Variants in UGT3A2 observed in about 807,000 individuals in gnomAD.
UGT3A2 encodes UDP glycosyltransferase family 3 member A2, also known as UDP-glycosyltransferase 3A2.
In UGT3A2, 32 loss-of-function variants were observed where a neutral mutation model predicts 39.8. The ratio of observed to expected loss-of-function variants is 0.80; its 90% confidence interval spans 0.61 to 1.08. UGT3A2 has a LOEUF of 1.08. UGT3A2 is among the 50% of genes least tolerant of loss of function. UGT3A2 has a pLI of 0.00. For synonymous variants in UGT3A2, 241 were observed against 230.7 expected (o/e 1.04, Z -0.40); for missense variants, 611 against 637.1 (o/e 0.96, Z 0.44).
At chr5:36,040,006 T>A (rs1178658100) in intron 4 of UGT3A2, among the ~76,000 whole-genome samples, 2 of 152,110 alleles carry the variant, frequency 1.3e-5, no homozygotes, top group African/African-American at 4.8e-5. Context: ...GAGGTAATAG[T>A]ATCTGGAAGA....
intron 6 of UGT3A2, among the ~76,000 whole-genome samples, 164 bp from the exon 7 acceptor site, chr5:36,036,138 A>G (rs1741821141): frequency 6.6e-6 from 1 of 152,232 alleles, no homozygotes; most frequent in Non-Finnish European, 1.5e-5. Flanking sequence ...GACACCTACA[A>G]GCAAAGATCC....
At chr5:36,043,718 C>T (rs981276692) in intron 4 of UGT3A2, among the ~76,000 whole-genome samples, 2 of 101,158 alleles carry the variant, frequency 2.0e-5, no homozygotes, top group African/African-American at 5.4e-5. Flanking sequence ...TTAGAAACAT[C>T]TGTGAGCAAC....
At chr5:36,052,684 C>T (rs1411905139) in intron 2 of UGT3A2, among the ~76,000 whole-genome samples, 3 of 152,122 alleles carry the variant, frequency 2.0e-5, no homozygotes, top group African/African-American at 4.8e-5. Context: ...TCATCCCTCC[C>T]TGCTCTCTAA....
At chr5:36,041,626 C>T (rs1482456223) in intron 4 of UGT3A2, among the ~76,000 whole-genome samples, 2 of 152,150 alleles carry the variant, frequency 1.3e-5, no homozygotes, top group African/African-American at 4.8e-5. Context: ...CTGGCTCTTA[C>T]CTAAGACCAC....
At chr5:36,052,672 A>T (rs745691115) in intron 2 of UGT3A2, among the ~76,000 whole-genome samples, 10 of 152,204 alleles carry the variant, frequency 6.6e-5, no homozygotes, top group Non-Finnish European at 1.3e-4. Context: ...AACTCAAGCC[A>T]GTCATCCCTC....
chr5:36,049,300 A>G lies in UGT3A2; in HGVS notation c.432T>C (p.Val144=). Residue 144 remains valine, a synonymous_variant, in exon 4 of 7, where the codon GTT becomes GTC. Coordinates refer to ENST00000282507, the MANE Select transcript of UGT3A2 (RefSeq NM_174914.4). ...LKNENFDMVI[V]ETFDYCPFLI... is the part of the protein sequence containing the mutation. The stretch of plus-strand genomic sequence containing the variant: ...GGAAAGGACAGTAGTCAAAAGTTTC[A>G]ACTATCACCATGTCGAAGTTCTCAT... 6.2e-7 allele frequency: 1 copy of G among 1,614,186 alleles called. No individual in the cohort carries two copies. The highest frequency in any genetic ancestry group is 8.5e-7 in the Non-Finnish European group (1 of 1,180,038).
chr5:36,036,536 C>T (rs781640390), intron 6 of UGT3A2, among the ~76,000 whole-genome samples: 4 of 152,228 alleles, frequency 2.6e-5, no homozygotes, highest in Non-Finnish European at 5.9e-5. Flanking sequence ...AATTGTGAAG[C>T]TGGCCCTATT....
chr5:36,043,015 C>T (rs76437245), intron 4 of UGT3A2, among the ~76,000 whole-genome samples: 2,118 of 152,126 alleles, frequency 0.014, 33 homozygotes, highest in African/African-American at 0.049. Flanking sequence ...ACTTAATCTG[C>T]ACTACAGATT....
At chr5:36,057,005 G>A (rs531221753) in intron 2 of UGT3A2, among the ~76,000 whole-genome samples, 5 of 152,296 alleles carry the variant, frequency 3.3e-5, no homozygotes, top group African/African-American at 1.2e-4. Context: ...CTCACAGTCT[G>A]TTCAAAGCAA....
chr5:36,043,497 A>C (rs1457451118), intron 4 of UGT3A2, among the ~76,000 whole-genome samples: 7 of 152,012 alleles, frequency 4.6e-5, no homozygotes, highest in Admixed American at 3.9e-4. Flanking sequence ...AACCAAACCC[A>C]AAAATAGTAG....
At chr5:36,037,016 G>A (rs770513327) in intron 6 of UGT3A2, among the ~76,000 whole-genome samples, 18 of 152,132 alleles carry the variant, frequency 1.2e-4, no homozygotes, top group East Asian at 1.9e-4. Context: ...TGTGCTAGGT[G>A]CTAAGAAGAT....
chr5:36,035,318 G>A lies in UGT3A2; in HGVS notation c.*380C>T, dbSNP rs79454042. ...GGCAGGAGTGAGAGAGGCTGACTAG[G>A]TCTGGACATGGAGGCTGGAAGAGTC... On this transcript the variant is annotated 3_prime_UTR_variant, in exon 7 of 7. Transcript: ENST00000282507. 0.011 allele frequency: 2,839 copies of A among 254,734 alleles called. 54 individuals are homozygous for A. The highest frequency in any genetic ancestry group is 0.071 in the East Asian group (817 of 11,516). 15.8% of individuals were successfully genotyped at this position (254,734 alleles called of 1,614,324 possible). A position where few individuals can be genotyped will look rare whatever the true frequency, so the allele number is the denominator to read the frequency against.
intron 3 of UGT3A2, 38 bp downstream of exon 3, chr5:36,051,832 T>C: frequency 6.9e-7 from 1 of 1,455,626 alleles, no homozygotes; most frequent in East Asian, 2.3e-5. Flanking sequence ...ATTATGAAAA[T>C]GGTGACCTTT....
chr5:36,036,040 G>A (rs192642815), intron 6 of UGT3A2, 66 bp from the exon 7 acceptor site: 88 of 1,550,896 alleles, frequency 5.7e-5, no homozygotes, highest in South Asian at 1.5e-4. Flanking sequence ...TGTATGATCC[G>A]TTCTATATGA....
At position 36,037,893 on chromosome 5, in the gene UGT3A2, C is replaced by T. The variant is rs145559473; in HGVS notation, c.1199G>A (p.Arg400Gln). 63 of 1,613,858 alleles carry T rather than the reference C, an allele frequency of 3.9e-5. No homozygotes were observed. The highest frequency in any genetic ancestry group is 3.6e-4 in the African/African-American group (27 of 74,882). ...LFGDQPENMV[R>Q]VEAKKFGVSI... ...AACACCAAACTTTTTGGCTTCTACT[C>T]GGACCATGTTTTCAGGCTGGTCTCC... The change falls in exon 6 of 7, where the codon CGA becomes CAA. Residue 400 changes from arginine to glutamine, a missense_variant. Physicochemically the swap from Arg to Gln is conservative, Grantham distance 43 (BLOSUM62 1). Transcript: ENST00000282507.
At chr5:36,045,149 C>T (rs62354170) in intron 4 of UGT3A2, among the ~76,000 whole-genome samples, 2 of 151,996 alleles carry the variant, frequency 1.3e-5, no homozygotes, top group African/African-American at 4.8e-5. Flanking sequence ...CATAGACCAA[C>T]AGAACAGAAT....
At chr5:36,051,199 G>C (rs879616331) in intron 3 of UGT3A2, among the ~76,000 whole-genome samples, 3 of 152,162 alleles carry the variant, frequency 2.0e-5, no homozygotes, top group Non-Finnish European at 2.9e-5. Context: ...CAGGAAAGAA[G>C]AGTAGGTAAG....
intron 1 of UGT3A2, 150 bp from the exon 2 acceptor site, chr5:36,064,500 G>A (rs1742819052): frequency 1.5e-5 from 11 of 715,684 alleles, no homozygotes; most frequent in Non-Finnish European, 2.5e-5. Flanking sequence ...ATGTCCCTCT[G>A]GGTAAAACCC....
intron 2 of UGT3A2, among the ~76,000 whole-genome samples, chr5:36,058,304 C>T (rs764471612): frequency 2.6e-5 from 4 of 152,090 alleles, no homozygotes; most frequent in South Asian, 4.1e-4. Flanking sequence ...TTCACTTATA[C>T]GCTGTACCCA....
Sources: gnomAD v4.1 joint callset for allele counts (sites outside exome capture counted in the v4.1 genomes callset) on GRCh38, gnomAD v4.1.1 for gene constraint, MANE v1.5 for transcripts, NCBI Gene and HGNC (gene_info 2026-07-23, HGNC 2026-07-21) for gene names.